CDIN1: variants seen among roughly 807,000 people sequenced by gnomAD.
CDIN1 encodes CDAN1-interacting nuclease 1.
A neutral mutation model predicts 45.3 loss-of-function variants in CDIN1; 33 were observed. The observed-to-expected ratio is 0.73, with a 90% CI of 0.55 to 0.97. The LOEUF (loss-of-function observed/expected upper bound fraction) is 0.97, where lower values mean the gene tolerates loss of function less well. Ranked by LOEUF, CDIN1 falls within the 50% of genes least tolerant of loss-of-function variation. CDIN1 has a pLI of 0.00. For missense variants in CDIN1, 303 were observed against 339.4 expected (o/e 0.89, Z 0.84); for synonymous variants, 118 against 124.4 (o/e 0.95, Z 0.34).
intron 10 of CDIN1, among the ~76,000 whole-genome samples, chr15:36,718,250 C>T (rs2043283869): frequency 6.6e-6 from 1 of 152,084 alleles, no homozygotes; most frequent in Non-Finnish European, 1.5e-5. Context: ...CAATTCAACA[C>T]TGTTTTGATT....
intron 1 of CDIN1, among the ~76,000 whole-genome samples, chr15:36,602,763 G>A (rs1409951890): frequency 6.6e-6 from 1 of 152,162 alleles, no homozygotes; most frequent in Non-Finnish European, 1.5e-5. Context: ...ACGAGGTCAG[G>A]AGATCGAGGC....
At chr15:36,623,228 T>A (rs2039277415) in intron 1 of CDIN1, among the ~76,000 whole-genome samples, 1 of 152,144 alleles carries the variant, frequency 6.6e-6, no homozygotes, top group South Asian at 2.1e-4. Flanking sequence ...AATTTTTATT[T>A]CTTATGTAAA....
intron 10 of CDIN1, among the ~76,000 whole-genome samples, chr15:36,785,233 A>G (rs180818797): frequency 6.6e-6 from 1 of 152,324 alleles, no homozygotes; most frequent in Non-Finnish European, 1.5e-5. Context: ...GTGTTCTCAT[A>G]GACTTTGGTT....
chr15:36,708,990 T>C, intron 8 of CDIN1: 2 of 364,938 alleles, frequency 5.5e-6, no homozygotes, highest in East Asian at 8.5e-5. Flanking sequence ...ACTCGTGATG[T>C]TTATAATAAC....
chr15:36,611,131 T>C (rs977759307), intron 1 of CDIN1, among the ~76,000 whole-genome samples: 1 of 152,204 alleles, frequency 6.6e-6, no homozygotes, highest in Non-Finnish European at 1.5e-5. Flanking sequence ...CAGGCTTTTT[T>C]GGGGGAGGCC....
chr15:36,595,021 GT>G (rs1448250826), intron 1 of CDIN1: 1 of 575,198 alleles, frequency 1.7e-6, no homozygotes, highest in African/African-American at 2.0e-5. Context: ...AGAAAAAAAT[GT>G]TCTTATGGCT....
chr15:36,596,667 G>A (rs1382440142), intron 1 of CDIN1, among the ~76,000 whole-genome samples: 2 of 152,042 alleles, frequency 1.3e-5, no homozygotes, highest in Non-Finnish European at 2.9e-5. Flanking sequence ...TTCAGGCAAA[G>A]TGTGTAGATT....
chr15:36,786,516 G>T (rs1269487049), intron 10 of CDIN1, among the ~76,000 whole-genome samples: 1 of 151,980 alleles, frequency 6.6e-6, no homozygotes, highest in East Asian at 1.9e-4. Flanking sequence ...TTAATCCTGT[G>T]TCCTTCTGAT....
At chr15:36,715,698 C>T (rs2043193941) in intron 10 of CDIN1, among the ~76,000 whole-genome samples, 1 of 152,068 alleles carries the variant, frequency 6.6e-6, no homozygotes, top group Non-Finnish European at 1.5e-5. Flanking sequence ...AAGGGGGCTT[C>T]GATAAGGGTA....
At chr15:36,725,061 ATTC>A (rs1160072595) in intron 10 of CDIN1, among the ~76,000 whole-genome samples, 2 of 152,160 alleles carry the variant, frequency 1.3e-5, no homozygotes, top group Non-Finnish European at 2.9e-5. Context: ...CTGAAAGGTC[ATTC>A]TTCTTCCTGC....
intron 10 of CDIN1, among the ~76,000 whole-genome samples, chr15:36,780,985 A>G (rs1446611644): frequency 6.6e-6 from 1 of 152,226 alleles, no homozygotes. Context: ...ATACCGTTTC[A>G]AAAGGTCCAA....
intron 1 of CDIN1, chr15:36,594,955 G>T: frequency 1.0e-6 from 1 of 961,932 alleles, no homozygotes; most frequent in South Asian, 4.8e-5. Flanking sequence ...TACTGTTTCT[G>T]AGTAAAAGGT....
chr15:36,583,057 A>C (rs2037120891), intron 1 of CDIN1, among the ~76,000 whole-genome samples: 1 of 152,190 alleles, frequency 6.6e-6, no homozygotes, highest in East Asian at 1.9e-4. Flanking sequence ...CTGGTCCTAT[A>C]TATGTCATAT....
intron 1 of CDIN1, among the ~76,000 whole-genome samples, chr15:36,622,844 G>A (rs1310514470): frequency 6.6e-6 from 1 of 152,218 alleles, no homozygotes; most frequent in East Asian, 1.9e-4. Flanking sequence ...TCATGCTGGT[G>A]TTTGTATCGG....
At position 36,593,261 on chromosome 15, in the gene CDIN1, C is replaced by T. The variant is rs558608138; in HGVS notation, c.101+13300C>T. On this transcript the variant is annotated intron_variant, in intron 1 of 10. Coordinates refer to ENST00000566621, the MANE Select transcript of CDIN1 (RefSeq NM_001321759.2). ...AAAACCACCCCTTTCCAAGTATTTT[C>T]TTGTCTACTTTTCTCAAATGCAACC... Among the ~76,000 whole-genome samples the T allele has an allele frequency of 8.5e-5, 13 of 152,204 alleles. 1 individual carries two copies. In the South Asian group the frequency reaches 2.7e-3, roughly 32 times the overall value.
At chr15:36,623,035 T>A (rs1318889166) in intron 1 of CDIN1, among the ~76,000 whole-genome samples, 1 of 152,222 alleles carries the variant, frequency 6.6e-6, no homozygotes, top group Admixed American at 6.5e-5. Flanking sequence ...TCTAATGCAA[T>A]GTAAGCTGTG....
At chr15:36,806,822 T>C (rs763103017) in intron 10 of CDIN1, among the ~76,000 whole-genome samples, 7 of 152,200 alleles carry the variant, frequency 4.6e-5, no homozygotes, top group Non-Finnish European at 1.0e-4. Flanking sequence ...GGAAGCAAGT[T>C]CTTCTGCAGG....
Position 36,709,869 on chromosome 15 carries a change from C to T in CDIN1, c.624C>T (p.His208=), listed in dbSNP as rs2042994622. The change falls in exon 10 of 11, where the codon CAC becomes CAT. Residue 208 remains histidine, a synonymous_variant. Transcript: ENST00000566621. ...TTTGTCCCTTAGCTGTAGAAGGGCA[C>T]ATAATTCACTGGATTGAAAGCAAAG... ...ILQVPVAVEG[H]IIHWIESKAS... is the part of the protein sequence containing the mutation. 1.2e-6 allele frequency: 2 copies of T among 1,613,214 alleles called. No homozygotes were observed. The highest frequency in any genetic ancestry group is 8.5e-7 in the Non-Finnish European group (1 of 1,179,388).
intron 5 of CDIN1, among the ~76,000 whole-genome samples, chr15:36,660,836 C>T (rs1308016591): frequency 6.6e-6 from 1 of 152,190 alleles, no homozygotes; most frequent in Non-Finnish European, 1.5e-5. Context: ...GGCCATCATC[C>T]TATGATTATT....
Sources: allele counts gnomAD v4.1 joint callset (sites outside exome capture counted in the v4.1 genomes callset), GRCh38; gene constraint gnomAD v4.1.1; transcripts MANE v1.5; gene names NCBI Gene and HGNC (gene_info 2026-07-23, HGNC 2026-07-21).